The following CLPTM1 variants were observed in gnomAD, a reference collection of about 807,000 sequenced individuals.
CLPTM1 encodes the protein putative lipid scramblase CLPTM1.
CLPTM1 carries 21 observed loss-of-function variants against 77.3 expected under a neutral mutation model. The observed-to-expected ratio is 0.27, with a 90% CI of 0.19 to 0.39. The LOEUF (loss-of-function observed/expected upper bound fraction) is 0.39. Ranked by LOEUF, CLPTM1 falls within the 10% of genes least tolerant of loss-of-function variation. The pLI is 1.00. For synonymous variants in CLPTM1, 373 were observed against 381.0 expected, an observed-to-expected ratio of 0.98 and a Z score of 0.24; for missense variants, 642 against 921.2, an observed-to-expected ratio of 0.70 and a Z score of 3.92.
chr19:44,989,248 C>T (rs1971030435), intron 9 of CLPTM1, among the ~76,000 whole-genome samples: 1 of 152,212 alleles, frequency 6.6e-6, no homozygotes, highest in African/African-American at 2.4e-5. Context: ...CTGGTGCCGA[C>T]CCCAGCCAGC....
intron 1 of CLPTM1, among the ~76,000 whole-genome samples, chr19:44,957,468 T>G (rs987727027): frequency 7.2e-5 from 11 of 152,212 alleles, no homozygotes; most frequent in African/African-American, 1.2e-4. Flanking sequence ...GAGCGGATCT[T>G]GAAACAGAGG....
chr19:44,986,245 C>G (rs1970975599), intron 6 of CLPTM1, among the ~76,000 whole-genome samples: 1 of 149,752 alleles, frequency 6.7e-6, no homozygotes, highest in African/African-American at 2.5e-5. Context: ...CGCCTCTAAT[C>G]CCAGCACTTT....
chr19:44,970,485 G>A (rs1198193478), intron 2 of CLPTM1, among the ~76,000 whole-genome samples: 3 of 137,686 alleles, frequency 2.2e-5, no homozygotes, highest in Non-Finnish European at 4.5e-5. Flanking sequence ...CTGCAGCCTC[G>A]ACCTCCTGGG....
chr19:44,966,178 G>A (rs913438248), intron 2 of CLPTM1, among the ~76,000 whole-genome samples: 2 of 152,124 alleles, frequency 1.3e-5, no homozygotes, highest in African/African-American at 2.4e-5. Flanking sequence ...TTGGGAGGCC[G>A]AGGTGGGTGG....
At chr19:44,976,864 A>G (rs901445854) in intron 4 of CLPTM1, among the ~76,000 whole-genome samples, 3 of 152,204 alleles carry the variant, frequency 2.0e-5, no homozygotes, top group African/African-American at 4.8e-5. Flanking sequence ...AACATGACCC[A>G]TTGCATAAGG....
chr19:44,955,810 C>T, intron 1 of CLPTM1: 1 of 260,658 alleles, frequency 3.8e-6, no homozygotes. Context: ...CTAGAGTGGT[C>T]TGGCGTTCAG....
chr19:44,983,248 C>A (rs1464021867), intron 5 of CLPTM1, among the ~76,000 whole-genome samples: 1 of 152,086 alleles, frequency 6.6e-6, no homozygotes, highest in African/African-American at 2.4e-5. Context: ...TTCCCCTTTC[C>A]CTGTCTCTCC....
In CLPTM1 at chr19:44,992,567, G is replaced by A. The variant is rs753785366; in HGVS notation, c.1724-44G>A. ...TCTCCACCCAGGCCCACCTGGCTGT[G>A]GACGGGCCAGCCCGACCTCACACTG... On this transcript the variant is annotated intron_variant, in intron 13 of 13. Transcript: ENST00000337392. This position sits in a 1 kb window ranked among gnomAD's most constrained non-coding sequence, Gnocchi z 7.7. 6.2e-7 allele frequency: 1 copy of A among 1,609,030 alleles called. No homozygotes were observed. The highest frequency in any genetic ancestry group is 1.1e-5 in the South Asian group (1 of 90,892).
intron 4 of CLPTM1, among the ~76,000 whole-genome samples, chr19:44,976,272 C>T (rs1215470963): frequency 6.6e-6 from 1 of 152,168 alleles, no homozygotes; most frequent in Non-Finnish European, 1.5e-5. Context: ...GGGGGATCTG[C>T]TTCCAAGGGC....
chr19:44,955,722 A>G (rs1405419149), intron 1 of CLPTM1: 1 of 375,512 alleles, frequency 2.7e-6, no homozygotes, highest in Non-Finnish European at 4.7e-6. Context: ...CCGGGGAGAC[A>G]GTGGCTCGGA....
intron 2 of CLPTM1, among the ~76,000 whole-genome samples, chr19:44,963,723 G>A (rs1197007672): frequency 2.0e-5 from 3 of 151,356 alleles, no homozygotes; most frequent in African/African-American, 7.3e-5. Flanking sequence ...GGGTTCAAGC[G>A]ATTCTCCTGC....
chr19:44,988,826 G>A (rs1313960979), intron 9 of CLPTM1, among the ~76,000 whole-genome samples: 3 of 152,226 alleles, frequency 2.0e-5, no homozygotes, highest in Non-Finnish European at 4.4e-5. Context: ...TGAAGGAGTG[G>A]CCTGCGGCCC....
Position 44,986,445 on chromosome 19 carries a change from G to C in CLPTM1, c.673-10G>C. The C allele has an allele frequency of 6.2e-7, 1 of 1,613,448 alleles. No individual in the cohort carries two copies. The highest frequency in any genetic ancestry group is 8.5e-7 in the Non-Finnish European group (1 of 1,179,630). ...CTGCCTCTGAGGTCCTTCCCCCCAT[G>C]TTGCCTCAGAGGGCTGAGGACTATG... On this transcript the variant is annotated splice_polypyrimidine_tract_variant and intron_variant, in intron 6 of 13. Transcript: ENST00000337392.
In CLPTM1 at chr19:44,986,442, C is replaced by A. The variant is rs187450949; in HGVS notation, c.673-13C>A. The A allele has an allele frequency of 4.3e-6, 7 of 1,613,054 alleles. No homozygotes were observed. Among genetic ancestry groups the A allele is most frequent in the East Asian group, 2.2e-5 (1 of 44,886 alleles). On this transcript the variant is annotated splice_polypyrimidine_tract_variant and intron_variant, in intron 6 of 13. Transcript: ENST00000337392. Reference sequence around the variant, plus strand: ...CACCTGCCTCTGAGGTCCTTCCCCCCATGTTGCCTCAGAGGGCTGAGGACT... The same window carrying A: ...CACCTGCCTCTGAGGTCCTTCCCCCAATGTTGCCTCAGAGGGCTGAGGACT...
chr19:44,955,358 C>CG, upstream of CLPTM1: 1 of 480,078 alleles, frequency 2.1e-6, no homozygotes, highest in Non-Finnish European at 2.7e-6. Context: ...GGGGACGGGG[C>CG]GGGGCTGGCG....
intron 2 of CLPTM1, among the ~76,000 whole-genome samples, chr19:44,962,287 C>G (rs1017815180): frequency 6.7e-5 from 10 of 150,352 alleles, no homozygotes; most frequent in African/African-American, 2.4e-4. Flanking sequence ...TGAACCTGTT[C>G]TGGTTTTTGG....
At chr19:44,966,930 C>T (rs1486762631) in intron 2 of CLPTM1, among the ~76,000 whole-genome samples, 1 of 152,072 alleles carries the variant, frequency 6.6e-6, no homozygotes, top group African/African-American at 2.4e-5. Flanking sequence ...CAAGCTCCGC[C>T]TCCTAGGTTC....
chr19:44,966,841 C>G (rs916853250), intron 2 of CLPTM1, among the ~76,000 whole-genome samples: 1 of 151,868 alleles, frequency 6.6e-6, no homozygotes, highest in Admixed American at 6.6e-5. Flanking sequence ...ATCTCTCTCT[C>G]TCTCTCTCTT....
chr19:44,990,776 G>T lies in CLPTM1; in HGVS notation c.1324-74G>T. On this transcript the variant is annotated intron_variant, in intron 10 of 13. Coordinates refer to ENST00000337392, the MANE Select transcript of CLPTM1 (RefSeq NM_001294.4). This position sits in a 1 kb window ranked among gnomAD's most constrained non-coding sequence, Gnocchi z 4.8. ...CAGGGGAACTGGGAACGGTGGGGAA[G>T]GGCAGGGGCTGGTTCTGGCTTGTGG... is the stretch of plus-strand genomic sequence containing the variant. 2.9e-6 allele frequency: 4 copies of T among 1,392,520 alleles called. No individual in the cohort carries two copies. The highest frequency in any genetic ancestry group is 4.0e-6 in the Non-Finnish European group (4 of 988,302). 86.3% of individuals were successfully genotyped at this position (1,392,520 alleles called of 1,614,324 possible).
Sources: allele counts gnomAD v4.1 joint callset (sites outside exome capture counted in the v4.1 genomes callset), GRCh38; gene constraint gnomAD v4.1.1; non-coding constraint Gnocchi (gnomAD v3.1); transcripts MANE v1.5; gene names NCBI Gene and HGNC (gene_info 2026-07-23, HGNC 2026-07-21).